FBXW8: variants seen among roughly 807,000 people sequenced by gnomAD.
The protein encoded by FBXW8 is F-box/WD repeat-containing protein 8.
Under a neutral mutation model 65.3 loss-of-function variants are expected in FBXW8, and 57 were observed. The observed-to-expected ratio is 0.87, with a 90% CI of 0.71 to 1.09. The LOEUF (loss-of-function observed/expected upper bound fraction) is 1.09, where lower values mean the gene tolerates loss of function less well. FBXW8 is among the 50% of genes least tolerant of loss of function. FBXW8 has a pLI of 0.00. For missense variants in FBXW8, 777 were observed against 814.8 expected (o/e 0.95, Z 0.57); for synonymous variants, 308 against 330.2 (o/e 0.93, Z 0.73).
chr12:117,015,524 C>T (rs1046066954), intron 8 of FBXW8, among the ~76,000 whole-genome samples: 11 of 152,092 alleles, frequency 7.2e-5, no homozygotes, highest in African/African-American at 2.7e-4. Flanking sequence ...TCATTTTCAC[C>T]GTGCAACTGG....
chr12:116,921,490 C>T (rs1040257490), intron 1 of FBXW8, among the ~76,000 whole-genome samples: 1 of 152,152 alleles, frequency 6.6e-6, no homozygotes, highest in Non-Finnish European at 1.5e-5. Context: ...AGGGGACGAT[C>T]TATATTGCCT....
chr12:116,988,365 T>G (rs151216763), intron 6 of FBXW8, among the ~76,000 whole-genome samples: 7 of 152,318 alleles, frequency 4.6e-5, no homozygotes, highest in Admixed American at 1.3e-4. Flanking sequence ...CCTCCTTCAC[T>G]TCCAGCCCAG....
intron 5 of FBXW8, among the ~76,000 whole-genome samples, chr12:116,980,913 T>A (rs1885261993): frequency 6.6e-6 from 1 of 152,244 alleles, no homozygotes; most frequent in South Asian, 2.1e-4. Flanking sequence ...AAAACAGGTA[T>A]CCTTTCAATT....
At chr12:117,000,661 A>G (rs1953493490) in intron 7 of FBXW8, among the ~76,000 whole-genome samples, 1 of 152,174 alleles carries the variant, frequency 6.6e-6, no homozygotes, top group Admixed American at 6.6e-5. Context: ...CCACCCACCC[A>G]GGTTTGAATC....
At chr12:116,988,350 T>G (rs1389885919) in intron 6 of FBXW8, among the ~76,000 whole-genome samples, 1 of 152,178 alleles carries the variant, frequency 6.6e-6, no homozygotes, top group South Asian at 2.1e-4. Context: ...TGGAACATGG[T>G]TTTCCCTCCT....
chr12:116,991,841 T>C (rs1485527582), intron 7 of FBXW8, among the ~76,000 whole-genome samples: 1 of 152,260 alleles, frequency 6.6e-6, no homozygotes, highest in Non-Finnish European at 1.5e-5. Flanking sequence ...CCCTAACCTG[T>C]TGAAGTATTC....
chr12:116,915,217 G>GGCTGGGTGTT (rs1254043527), intron 1 of FBXW8, among the ~76,000 whole-genome samples: 1 of 152,252 alleles, frequency 6.6e-6, no homozygotes, highest in Non-Finnish European at 1.5e-5. Context: ...GAGTGAGGTA[G>GGCTGGGTGTT]GCTGGGTGTT....
At chr12:116,992,388 G>A (rs547843531) in intron 7 of FBXW8, among the ~76,000 whole-genome samples, 2 of 149,472 alleles carry the variant, frequency 1.3e-5, no homozygotes, top group South Asian at 4.3e-4. Context: ...TAGCAACTAT[G>A]TATTTTTGCC....
intron 8 of FBXW8, among the ~76,000 whole-genome samples, chr12:117,022,336 T>C (rs1954117665): frequency 6.6e-6 from 1 of 150,884 alleles, no homozygotes; most frequent in Non-Finnish European, 1.5e-5. Context: ...GAATAGATTA[T>C]AGTGACTAAA....
chr12:116,959,137 G>T (rs949305956), intron 4 of FBXW8, among the ~76,000 whole-genome samples: 1 of 152,236 alleles, frequency 6.6e-6, no homozygotes, highest in African/African-American at 2.4e-5. Context: ...GAGGCAACAG[G>T]TTGCATCTGC....
intron 8 of FBXW8, 32 bp downstream of exon 8, chr12:117,010,482 C>T: frequency 6.2e-7 from 1 of 1,613,938 alleles, no homozygotes; most frequent in Non-Finnish European, 8.5e-7. Flanking sequence ...TGCCTTGCAG[C>T]CCCATGGCTT....
Position 117,026,008 on chromosome 12 carries a change from C to T in FBXW8, c.1542-1386C>T, listed in dbSNP as rs146948918. On this transcript the variant is annotated intron_variant, in intron 9 of 10. Coordinates refer to ENST00000652555, the MANE Select transcript of FBXW8 (RefSeq NM_153348.3). Reference sequence around the variant, plus strand: ...CACGTGGTCACTGTTTTCACCAGCACAAGGCTGACAGACACATGGTCTCCT... The same window carrying T: ...CACGTGGTCACTGTTTTCACCAGCATAAGGCTGACAGACACATGGTCTCCT... Among the ~76,000 whole-genome samples, 52 of 152,366 alleles carry T rather than the reference C, an allele frequency of 3.4e-4. No homozygotes were observed. In the East Asian group the frequency reaches 6.0e-3, roughly 18 times the overall value.
Position 117,030,837 on chromosome 12 carries a change from G to A in FBXW8, c.*2665G>A, listed in dbSNP as rs1460274060. The A allele has an allele frequency of 6.6e-6, 1 of 152,198 alleles. No homozygotes were observed. Among genetic ancestry groups the A allele is most frequent in the Non-Finnish European group, 1.5e-5 (1 of 68,054 alleles). 9.4% of individuals were successfully genotyped at this position (152,198 alleles called of 1,614,324 possible). On this transcript the variant is annotated 3_prime_UTR_variant, in exon 11 of 11. Transcript: ENST00000652555. ...TCCACATCCTGGAATCAATCACACTGACAGGGAAAGGATAAATGCTCCTTT... is the reference window on the plus strand; with the variant it reads ...TCCACATCCTGGAATCAATCACACTAACAGGGAAAGGATAAATGCTCCTTT...
rs932111528 is a variant in FBXW8 at position 116,936,413 on chromosome 12, C to T, written c.423+8286C>T. 6.6e-6 allele frequency among the ~76,000 whole-genome samples: 1 copy of T among 152,150 alleles called. No individual in the cohort carries two copies. Among genetic ancestry groups the T allele is most frequent in the Non-Finnish European group, 1.5e-5 (1 of 68,042 alleles). ...GTATGTTACCTTTCATGATAAAACG[C>T]CCTTTGCCGATGTGATTAGGTTAAG... On this transcript the variant is annotated intron_variant, in intron 2 of 10. Transcript: ENST00000652555. This position sits in a 1 kb window ranked among gnomAD's most constrained non-coding sequence, Gnocchi z 4.6.
chr12:116,925,652 T>TA lies in FBXW8; in HGVS notation c.319-2364dup, dbSNP rs201401921. ...TTCTGAGAGCACAGTGACTTTTTTTTAAAAAAAGTTTGGCTGTGTAATGTC... is the reference window on the plus strand; with the variant it reads ...TTCTGAGAGCACAGTGACTTTTTTTTAAAAAAAAGTTTGGCTGTGTAATGTC... On this transcript the variant is annotated intron_variant, in intron 1 of 10. Coordinates refer to ENST00000652555, the MANE Select transcript of FBXW8 (RefSeq NM_153348.3). 1.8e-3 allele frequency among the ~76,000 whole-genome samples: 279 copies of TA among 151,956 alleles called. 1 individual carries two copies. Among genetic ancestry groups the TA allele is most frequent in the African/African-American group, 6.5e-3 (268 of 41,434 alleles).
intron 5 of FBXW8, among the ~76,000 whole-genome samples, chr12:116,971,164 A>C (rs1884624069): frequency 6.6e-6 from 1 of 151,932 alleles, no homozygotes; most frequent in Non-Finnish European, 1.5e-5. Flanking sequence ...AGGAGTTGAG[A>C]CCAGCCTGGG....
Position 116,952,327 on chromosome 12 carries a change from C to T in FBXW8, c.677+2621C>T, listed in dbSNP as rs144183471. Among the ~76,000 whole-genome samples, 35 of 152,270 alleles carry T rather than the reference C, an allele frequency of 2.3e-4. No individual in the cohort carries two copies. The East Asian group carries it at 6.2e-3, about 27-fold the overall frequency. ...TGCATTTTTCTGAGTGTAACCCTGT[C>T]GTTTAGTGACACGACTGTATAATTC... On this transcript the variant is annotated intron_variant, in intron 4 of 10. Transcript: ENST00000652555.
intron 6 of FBXW8, 91 bp downstream of exon 6, chr12:116,985,493 T>A: frequency 7.8e-7 from 1 of 1,278,744 alleles, no homozygotes; most frequent in Non-Finnish European, 1.1e-6. Context: ...TAACTCCCAT[T>A]CACTCAGAGC....
chr12:116,954,121 A>C (rs1883477482), intron 4 of FBXW8, among the ~76,000 whole-genome samples: 1 of 151,826 alleles, frequency 6.6e-6, no homozygotes, highest in Non-Finnish European at 1.5e-5. Flanking sequence ...CAAAAAAAAA[A>C]AAAAAAAAAA....
Sources: allele counts gnomAD v4.1 joint callset (sites outside exome capture counted in the v4.1 genomes callset), GRCh38; gene constraint gnomAD v4.1.1; non-coding constraint Gnocchi (gnomAD v3.1); transcripts MANE v1.5; gene names NCBI Gene and HGNC (gene_info 2026-07-23, HGNC 2026-07-21).